Variants in MGAT4C observed in about 807,000 individuals in gnomAD.
MGAT4C encodes the protein MGAT4 family member C, also known as alpha-1,3-mannosyl-glycoprotein 4-beta-N-acetylglucosaminyltransferase C.
A neutral mutation model predicts 40.1 loss-of-function variants in MGAT4C; 19 were observed. The observed-to-expected ratio is 0.47, with a 90% CI of 0.33 to 0.70. MGAT4C has a LOEUF of 0.70. Ranked by LOEUF, MGAT4C falls within the 30% of genes least tolerant of loss-of-function variation. The probability of loss-of-function intolerance (pLI) is 0.02; values close to 1 mark genes in which losing one functional copy is unlikely to be tolerated. For missense variants in MGAT4C, 491 were observed against 563.2 expected (o/e 0.87, Z 1.30); for synonymous variants, 181 against 187.1 (o/e 0.97, Z 0.27).
chr12:86,323,470 G>A (rs958861543), intron 4 of MGAT4C, among the ~76,000 whole-genome samples: 9 of 151,294 alleles, frequency 5.9e-5, no homozygotes, highest in African/African-American at 1.5e-4. Context: ...ATTTAGGATC[G>A]TAAAATAAGA....
chr12:86,765,816 T>C (rs1422681044), intron 1 of MGAT4C, among the ~76,000 whole-genome samples: 3 of 152,146 alleles, frequency 2.0e-5, no homozygotes, highest in African/African-American at 7.2e-5. Flanking sequence ...AAGCAAATGC[T>C]GAGAGATTTT....
At chr12:86,197,358 T>C (rs55776637) in intron 1 of MGAT4C, among the ~76,000 whole-genome samples, 12,665 of 152,280 alleles carry the variant, frequency 0.083, 629 homozygotes, top group Middle Eastern at 0.22. Context: ...CATATACATA[T>C]ATGTATACAT....
At chr12:86,603,497 A>G (rs1222124798) in intron 2 of MGAT4C, among the ~76,000 whole-genome samples, 5 of 82,472 alleles carry the variant, frequency 6.1e-5, no homozygotes, top group African/African-American at 2.2e-4. Context: ...TATATAATAT[A>G]TACTATATAT....
At chr12:86,621,837 T>C (rs892387683) in intron 2 of MGAT4C, among the ~76,000 whole-genome samples, 23 of 152,204 alleles carry the variant, frequency 1.5e-4, no homozygotes, top group East Asian at 1.2e-3. Context: ...CATATGCATT[T>C]TAGAAACCAC....
rs533952407 is a variant in MGAT4C at position 85,975,640 on chromosome 12, T to G, written c.*3649A>C. On this transcript the variant is annotated 3_prime_UTR_variant, in exon 5 of 5. Coordinates refer to ENST00000611864, the MANE Select transcript of MGAT4C (RefSeq NM_001351288.2). ...GAAACACAAAGCTGAGGAGGCATAA[T>G]AAGACGTGGAATGACAGAAGCAAGA... The G allele has an allele frequency of 6.6e-6, 1 of 151,006 alleles. No homozygotes were observed. The highest frequency in any genetic ancestry group is 1.9e-4 in the East Asian group (1 of 5,154). 9.4% of individuals were successfully genotyped at this position (151,006 alleles called of 1,614,324 possible). A position where few individuals can be genotyped will look rare whatever the true frequency, so the allele number is the denominator to read the frequency against.
chr12:86,593,632 CCTTA>C (rs1346314124), intron 2 of MGAT4C, among the ~76,000 whole-genome samples: 7 of 152,036 alleles, frequency 4.6e-5, no homozygotes, highest in East Asian at 3.9e-4. Context: ...TTGAATCATT[CCTTA>C]CTTAGCATGA....
chr12:86,370,605 C>A (rs1023495698), intron 3 of MGAT4C, among the ~76,000 whole-genome samples: 3 of 151,904 alleles, frequency 2.0e-5, no homozygotes, highest in Non-Finnish European at 4.4e-5. Context: ...AATAGATTTA[C>A]CGATTTAAAA....
intron 3 of MGAT4C, among the ~76,000 whole-genome samples, chr12:86,428,015 AT>A (rs776356053): frequency 7.2e-5 from 11 of 151,842 alleles, no homozygotes; most frequent in Non-Finnish European, 1.0e-4. Flanking sequence ...GCGAGAGTCC[AT>A]TTCAAAAACA....
At chr12:86,151,487 C>T (rs1884274104) in intron 1 of MGAT4C, among the ~76,000 whole-genome samples, 1 of 152,100 alleles carries the variant, frequency 6.6e-6, no homozygotes, top group South Asian at 2.1e-4. Flanking sequence ...TTGGCAGGCA[C>T]CTGTAGTCCC....
intron 2 of MGAT4C, among the ~76,000 whole-genome samples, chr12:86,533,000 G>GA (rs1239099732): frequency 3.3e-5 from 5 of 151,762 alleles, no homozygotes; most frequent in Non-Finnish European, 7.4e-5. Context: ...TTAACCATTT[G>GA]AAAAAAATTG....
chr12:86,130,664 A>AT (rs544555052), intron 1 of MGAT4C, among the ~76,000 whole-genome samples: 5 of 151,860 alleles, frequency 3.3e-5, no homozygotes, highest in African/African-American at 4.8e-5. Flanking sequence ...GTTTTCAATG[A>AT]TTTTTTTTCT....
At chr12:86,026,281 T>C (rs1890231285) in intron 2 of MGAT4C, among the ~76,000 whole-genome samples, 1 of 151,842 alleles carries the variant, frequency 6.6e-6, no homozygotes, top group African/African-American at 2.4e-5. Context: ...TTACCATTGC[T>C]GCTATAGTTT....
intron 4 of MGAT4C, among the ~76,000 whole-genome samples, chr12:86,309,807 A>G (rs1284611713): frequency 6.6e-6 from 1 of 152,230 alleles, no homozygotes; most frequent in Non-Finnish European, 1.5e-5. Flanking sequence ...TATTTCTCTG[A>G]TGACCTCCTT....
chr12:85,989,250 A>C, intron 3 of MGAT4C, 150 bp downstream of exon 3: 1 of 549,952 alleles, frequency 1.8e-6, no homozygotes, highest in Non-Finnish European at 3.0e-6. Context: ...TGTATGGTTA[A>C]TACAAAAAAT....
At chr12:86,644,698 GATT>G (rs1963487430) in intron 2 of MGAT4C, among the ~76,000 whole-genome samples, 1 of 151,592 alleles carries the variant, frequency 6.6e-6, no homozygotes, top group Admixed American at 6.6e-5. Flanking sequence ...TCAACGAATA[GATT>G]ATATTAGATT....
At chr12:86,823,072 G>C (rs893634774) in intron 1 of MGAT4C, among the ~76,000 whole-genome samples, 5 of 150,522 alleles carry the variant, frequency 3.3e-5, no homozygotes, top group Admixed American at 2.0e-4. Flanking sequence ...TTAGAAAAAT[G>C]CTTCAAGAAA....
chr12:86,182,788 AG>A (rs998008736), intron 1 of MGAT4C, among the ~76,000 whole-genome samples: 4 of 152,180 alleles, frequency 2.6e-5, no homozygotes, highest in Non-Finnish European at 4.4e-5. Flanking sequence ...GAAGGAAGTT[AG>A]TATGGTCATG....
At position 86,270,134 on chromosome 12, in the gene MGAT4C, G is replaced by A. The variant is rs142672542; in HGVS notation, c.-57+63931C>T. On this transcript the variant is annotated intron_variant, in intron 4 of 7. Coordinates refer to the MGAT4C transcript ENST00000548651. ...CAGGCTGGAGTGCAGTGGCATGATC[G>A]CGGCTCACTGCAACATCTGCCCCCT... Among the ~76,000 whole-genome samples the A allele has an allele frequency of 5.7e-3, 870 of 151,936 alleles. 4 individuals are homozygous for A. Among genetic ancestry groups the A allele is most frequent in the Middle Eastern group, 0.01 (3 of 294 alleles).
intron 3 of MGAT4C, among the ~76,000 whole-genome samples, chr12:86,374,320 G>C (rs1032526581): frequency 6.6e-6 from 1 of 152,078 alleles, no homozygotes; most frequent in Admixed American, 6.6e-5. Flanking sequence ...GAAAGTGATA[G>C]TTAGAAAGAA....
Sources: gnomAD v4.1 joint callset for allele counts (sites outside exome capture counted in the v4.1 genomes callset) on GRCh38, gnomAD v4.1.1 for gene constraint, MANE v1.5 for transcripts, NCBI Gene and HGNC (gene_info 2026-07-23, HGNC 2026-07-21) for gene names.